PIGZ: variants seen among roughly 807,000 people sequenced by gnomAD.
The protein encoded by PIGZ is phosphatidylinositol glycan anchor biosynthesis class Z (Gwada blood group).
Under a neutral mutation model 16.4 loss-of-function variants are expected in PIGZ, and 16 were observed. The observed-to-expected ratio is 0.97, with a 90% CI of 0.66 to 1.48. The LOEUF is 1.48. Ranked by LOEUF, PIGZ falls within the 40% of genes most tolerant of loss-of-function variation. The pLI is 0.00. For missense variants in PIGZ, 770 were observed against 739.2 expected (o/e 1.04, Z -0.48); for synonymous variants, 409 against 338.4 (o/e 1.21, Z -2.29).
At position 196,947,746 on chromosome 3, in the gene PIGZ, A is replaced by C. The variant is rs1716969913; in HGVS notation, c.1151T>G (p.Phe384Cys). 6.2e-7 allele frequency: 1 copy of C among 1,612,650 alleles called. No individual in the cohort carries two copies. The highest frequency in any genetic ancestry group is 8.5e-7 in the Non-Finnish European group (1 of 1,179,412). ...CAGGAACCGAGCCTCCTGGTGGCTA[A>C]AGGCAGATAGCAGGGCCAGAGGCAT... is the stretch of plus-strand genomic sequence containing the variant. ...YFMPLALLSA[F>C]SHQEARFLIP... The change falls in exon 3 of 3, where the codon TTT becomes TGT. Residue 384 changes from phenylalanine to cysteine, a missense_variant. By Grantham distance (205) the Phe-to-Cys change is radical (BLOSUM62 -2). Transcript: ENST00000412723.
intron 1 of PIGZ, among the ~76,000 whole-genome samples, chr3:196,960,727 A>AGAAAG (rs1717682179): frequency 2.5e-5 from 3 of 118,254 alleles, no homozygotes; most frequent in African/African-American, 3.6e-5. Context: ...AAAGAAAGAA[A>AGAAAG]AGAAAGAAAG....
At position 196,947,314 on chromosome 3, in the gene PIGZ, C is replaced by A; in HGVS notation, c.1583G>T (p.Arg528Met). 1 of 1,614,196 alleles carries A rather than the reference C, an allele frequency of 6.2e-7. No homozygotes were observed. Among genetic ancestry groups the A allele is most frequent in the Non-Finnish European group, 8.5e-7 (1 of 1,180,016 alleles). Reference sequence around the variant, plus strand: ...GAAGCTGCACTTCTCCACGGCACGCCTGGTGGTGCCAGGGGTTACCACAAA... The same window carrying A: ...GAAGCTGCACTTCTCCACGGCACGCATGGTGGTGCCAGGGGTTACCACAAA... The part of the protein sequence containing the change: ...RLFVVTPGTT[R>M]RAVEKCSFPF... The change falls in exon 3 of 3, where the codon AGG (arginine) becomes ATG (methionine). Residue 528 changes from arginine to methionine, a missense_variant. Transcript: ENST00000412723.
chr3:196,947,901 C>G lies in PIGZ; in HGVS notation c.996G>C (p.Gln332His), dbSNP rs750619394. The change falls in exon 3 of 3, where the codon CAG becomes CAC. Residue 332 changes from glutamine (Q) to histidine (H), a missense_variant. Physicochemically the swap from Gln to His is conservative, Grantham distance 24. Coordinates refer to ENST00000412723, the MANE Select transcript of PIGZ (RefSeq NM_025163.4). ...GFLLFGVLHA[Q>H]ALQAAWQRLQ... is the part of the protein sequence containing the mutation. ...GCCGTTGCCACGCAGCCTGCAGGGC[C>G]TGGGCATGCAGCACCCCGAAGAGCA... is the stretch of plus-strand genomic sequence containing the variant. 1.2e-6 allele frequency: 2 copies of G among 1,613,906 alleles called. No homozygotes were observed. The highest frequency in any genetic ancestry group is 1.7e-6 in the Non-Finnish European group (2 of 1,179,950).
At chr3:196,956,884 G>C (rs1416738035) in intron 1 of PIGZ, among the ~76,000 whole-genome samples, 1 of 152,058 alleles carries the variant, frequency 6.6e-6, no homozygotes, top group Non-Finnish European at 1.5e-5. Flanking sequence ...ATACTTGTTG[G>C]ATATACTAGG....
rs534307727 is a variant in PIGZ at position 196,965,857 on chromosome 3, G to T, written c.-1+2830C>A. Among the ~76,000 whole-genome samples the T allele has an allele frequency of 1.1e-4, 17 of 152,194 alleles. No individual in the cohort carries two copies. Among genetic ancestry groups the T allele is most frequent in the African/African-American group, 4.1e-4 (17 of 41,528 alleles). On this transcript the variant is annotated intron_variant, in intron 1 of 2. Coordinates refer to ENST00000412723, the MANE Select transcript of PIGZ (RefSeq NM_025163.4). This position sits in a 1 kb window ranked among gnomAD's most constrained non-coding sequence, Gnocchi z 4.2. ...AGCATGACCTGGAGTAGACTGCACC[G>T]CCATCCGCCTCTCCACTTTCCCTCT...
At chr3:196,962,806 C>T (rs980739425) in intron 1 of PIGZ, among the ~76,000 whole-genome samples, 2 of 152,292 alleles carry the variant, frequency 1.3e-5, no homozygotes, top group African/African-American at 2.4e-5. Flanking sequence ...CCTGTTGACC[C>T]TCTCTCCACC....
At chr3:196,958,737 A>G (rs1407782113) in intron 1 of PIGZ, among the ~76,000 whole-genome samples, 1 of 152,242 alleles carries the variant, frequency 6.6e-6, no homozygotes, top group Admixed American at 6.5e-5. Flanking sequence ...TTATATATCT[A>G]CACTTTGGCA....
At chr3:196,967,905 C>T (rs73893718) in intron 1 of PIGZ, among the ~76,000 whole-genome samples, 1,748 of 152,330 alleles carry the variant, frequency 0.011, 27 homozygotes, top group African/African-American at 0.033. Flanking sequence ...GTGGGGACTC[C>T]GCTCTGTAGC....
chr3:196,953,047 T>G (rs747163985), intron 1 of PIGZ, among the ~76,000 whole-genome samples: 9 of 152,326 alleles, frequency 5.9e-5, no homozygotes, highest in Middle Eastern at 3.4e-3. Context: ...CAGACTGAAT[T>G]CAACCACCAG....
chr3:196,961,665 G>C (rs1053101684), intron 1 of PIGZ, among the ~76,000 whole-genome samples: 1 of 152,126 alleles, frequency 6.6e-6, no homozygotes, highest in Admixed American at 6.5e-5. Context: ...CGCTTCTCAG[G>C]TCAGCCTTGA....
rs1303623748 is a variant in PIGZ at position 196,947,646 on chromosome 3, G to A, written c.1251C>T (p.Val417=). Residue 417 remains valine (V), a synonymous_variant, in exon 3 of 3, where the codon GTC becomes GTT. Coordinates refer to ENST00000412723, the MANE Select transcript of PIGZ (RefSeq NM_025163.4). ...GGAGGGCACCGAGGGCGTTGAAGAG[G>A]ACCACAGTGCCCTTCCAAGGCACAG... is the stretch of plus-strand genomic sequence containing the variant. The part of the protein sequence containing the change: ...TQPVPWKGTV[V]LFNALGALLF... The A allele has an allele frequency of 3.7e-6, 6 of 1,612,032 alleles. No homozygotes were observed. Among genetic ancestry groups the A allele is most frequent in the African/African-American group, 1.3e-5 (1 of 75,036 alleles).
chr3:196,946,905 G>A lies in PIGZ; in HGVS notation c.*252C>T. 1 of 442,052 alleles carries A rather than the reference G, an allele frequency of 2.3e-6. No individual in the cohort carries two copies. The highest frequency in any genetic ancestry group is 4.9e-5 in the South Asian group (1 of 20,468). 27.4% of individuals were successfully genotyped at this position (442,052 alleles called of 1,614,324 possible). ...GAAGCAACAGGGCAGGAACAGACAG[G>A]TGTCGTCACTTAACCTGGTCTTTGG... On this transcript the variant is annotated 3_prime_UTR_variant, in exon 3 of 3. Coordinates refer to ENST00000412723, the MANE Select transcript of PIGZ (RefSeq NM_025163.4).
intron 2 of PIGZ, among the ~76,000 whole-genome samples, 159 bp from the exon 3 acceptor site, chr3:196,948,844 TCC>T (rs1189837080): frequency 2.4e-5 from 3 of 126,160 alleles, no homozygotes; most frequent in Non-Finnish European, 3.3e-5. Context: ...CCTCCCTCTC[TCC>T]CTCCTTCTTT....
intron 1 of PIGZ, among the ~76,000 whole-genome samples, chr3:196,964,420 C>T (rs901225251): frequency 5.3e-5 from 8 of 151,608 alleles, no homozygotes; most frequent in Admixed American, 6.6e-5. Flanking sequence ...TGCAGTGGCA[C>T]GATCTTGGCT....
intron 1 of PIGZ, among the ~76,000 whole-genome samples, chr3:196,953,970 G>C (rs1308881226): frequency 6.7e-6 from 1 of 149,122 alleles, no homozygotes; most frequent in Admixed American, 6.8e-5. Context: ...TTCTGCCTAG[G>C]TGACAGAGCA....
At chr3:196,952,173 C>T in intron 1 of PIGZ, 142 bp from the exon 2 acceptor site, 1 of 798,370 alleles carries the variant, frequency 1.3e-6, no homozygotes, top group Admixed American at 2.2e-5. Context: ...CCACTAACTG[C>T]CAGGCACGTG....
In PIGZ at chr3:196,948,157, G is replaced by C; in HGVS notation, c.740C>G (p.Thr247Arg). Residue 247 changes from threonine (T) to arginine (R), a missense_variant, in exon 3 of 3, where the codon ACA (threonine) becomes AGA (arginine). By Grantham distance (71) the Thr-to-Arg change is moderately conservative. Transcript: ENST00000412723. ...PLYLWGTRGATNPGLKSLTRE... is the reference protein window; with the variant it reads ...PLYLWGTRGARNPGLKSLTRE... ...GGTCAGAGACTTCAAACCAGGGTTT[G>C]TGGCTCCACGAGTGCCCCAGAGGTA... 6.2e-7 allele frequency: 1 copy of C among 1,612,374 alleles called. No homozygotes were observed. Among genetic ancestry groups the C allele is most frequent in the Non-Finnish European group, 8.5e-7 (1 of 1,178,918 alleles).
intron 1 of PIGZ, among the ~76,000 whole-genome samples, chr3:196,960,014 G>A (rs924261254): frequency 6.6e-6 from 1 of 152,248 alleles, no homozygotes; most frequent in African/African-American, 2.4e-5. Flanking sequence ...GACATGGGAT[G>A]TTCGTGCATC....
intron 1 of PIGZ, among the ~76,000 whole-genome samples, chr3:196,963,336 A>T (rs1266557978): frequency 1.3e-5 from 2 of 152,172 alleles, no homozygotes; most frequent in South Asian, 4.1e-4. Flanking sequence ...CCTGCATCCT[A>T]TGGTAACTTT....
Sources: allele counts gnomAD v4.1 joint callset (sites outside exome capture counted in the v4.1 genomes callset), GRCh38; gene constraint gnomAD v4.1.1; non-coding constraint Gnocchi (gnomAD v3.1); transcripts MANE v1.5; gene names NCBI Gene and HGNC (gene_info 2026-07-23, HGNC 2026-07-21).